UFL1: variants seen among roughly 807,000 people sequenced by gnomAD.
UFL1 encodes the protein UFM1 specific ligase 1.
Under a neutral mutation model 99.3 loss-of-function variants are expected in UFL1, and 78 were observed. The observed-to-expected ratio is 0.79, with a 90% confidence interval of 0.65 to 0.95. The LOEUF is 0.95. UFL1 is among the 40% of genes least tolerant of loss of function. The pLI is 0.00. For missense variants in UFL1, 936 were observed against 937.0 expected (o/e 1.00, Z 0.01); for synonymous variants, 335 against 322.2 (o/e 1.04, Z -0.42).
intron 1 of UFL1, 71 bp downstream of exon 1, chr6:96,522,021 T>G: frequency 6.6e-7 from 1 of 1,505,974 alleles, no homozygotes; most frequent in Non-Finnish European, 9.0e-7. Flanking sequence ...ATCTGGGACT[T>G]TAGACCCGCG....
chr6:96,523,583 CAG>C (rs1201863211), intron 2 of UFL1, among the ~76,000 whole-genome samples: 5 of 152,126 alleles, frequency 3.3e-5, no homozygotes, highest in East Asian at 3.9e-4. Context: ...TTGCATGACT[CAG>C]GGAAGGGTAT....
intron 3 of UFL1, 45 bp downstream of exon 3, chr6:96,524,455 T>G: frequency 6.9e-7 from 1 of 1,443,686 alleles, no homozygotes; most frequent in Non-Finnish European, 9.5e-7. Context: ...TTCTCAATTT[T>G]TTGATACTGT....
Position 96,549,454 on chromosome 6 carries a change from C to T in UFL1, c.1563C>T (p.Phe521=), listed in dbSNP as rs1770045408. ...KTYLEVVRSV[F]MSSTTSASGT... ...ATCTCGAGGTGGTACGTTCAGTATT[C>T]ATGTCTTCAACAACTTCTGCTTCTG... is the stretch of plus-strand genomic sequence containing the variant. The change falls in exon 14 of 19, where the codon TTC becomes TTT. Residue 521 remains phenylalanine, a synonymous_variant. Transcript: ENST00000369278. The T allele has an allele frequency of 1.9e-6, 3 of 1,597,388 alleles. No individual in the cohort carries two copies. The highest frequency in any genetic ancestry group is 1.2e-5 in the South Asian group (1 of 86,916).
chr6:96,543,557 A>G (rs1274134504), intron 12 of UFL1, among the ~76,000 whole-genome samples: 1 of 151,204 alleles, frequency 6.6e-6, no homozygotes, highest in Non-Finnish European at 1.5e-5. Context: ...GGAGTTATAG[A>G]GGGAATGGCT....
chr6:96,545,149 A>G (rs1360287281), intron 12 of UFL1, among the ~76,000 whole-genome samples: 1 of 151,102 alleles, frequency 6.6e-6, no homozygotes, highest in African/African-American at 2.4e-5. Flanking sequence ...TGTCTACTCT[A>G]AAGCTAGCAT....
chr6:96,540,420 C>G, intron 10 of UFL1, 115 bp from the exon 11 acceptor site: 2 of 1,317,194 alleles, frequency 1.5e-6, no homozygotes, highest in Non-Finnish European at 2.0e-6. Context: ...AAACAAAGCT[C>G]TATAGTTCTA....
rs1273184098 is a variant in UFL1, at chr6:96,538,873, G to GT, written c.1158+64dup. 3 of 1,403,830 alleles carry GT rather than the reference G, an allele frequency of 2.1e-6. No homozygotes were observed. In the African/African-American group the frequency reaches 4.3e-5, roughly 20 times the overall value. 87.0% of individuals were successfully genotyped at this position (1,403,830 alleles called of 1,614,324 possible). ...TATTTTCAATTTAGAATCATCTGAT[G>GT]TCTTTTGAAAAAGGGGATAAGTGAA... On this transcript the variant is annotated intron_variant, in intron 10 of 18. Transcript: ENST00000369278.
intron 3 of UFL1, 122 bp downstream of exon 3, chr6:96,524,532 T>C: frequency 3.1e-6 from 2 of 654,298 alleles, no homozygotes; most frequent in Non-Finnish European, 4.8e-6. Flanking sequence ...GAAATAGTTA[T>C]ATAAGCCTCG....
chr6:96,545,138 C>G (rs1361680758), intron 12 of UFL1, among the ~76,000 whole-genome samples: 1 of 150,998 alleles, frequency 6.6e-6, no homozygotes, highest in African/African-American at 2.4e-5. Flanking sequence ...ATAGTACTGT[C>G]TGTCTACTCT....
rs374625625 is a variant in UFL1, at chr6:96,549,560, G to A, written c.1669G>A (p.Gly557Arg). The stretch of plus-strand genomic sequence containing the variant: ...CAATAACATTAGGTTATTTGAAAAA[G>A]GGATGAAGTTTTTTGCAGGTATACT... ...LYNNIRLFEK[G>R]MKFFADDTQA... The change falls in exon 14 of 19, where the codon GGG becomes AGG. Residue 557 changes from glycine (G) to arginine (R), a missense_variant. By Grantham distance (125) the Gly-to-Arg change is moderately radical. Transcript: ENST00000369278. The A allele has an allele frequency of 8.2e-6, 13 of 1,595,044 alleles. No individual in the cohort carries two copies. The highest frequency in any genetic ancestry group is 1.1e-5 in the Non-Finnish European group (13 of 1,172,790).
chr6:96,528,341 T>C (rs889702443), intron 5 of UFL1, among the ~76,000 whole-genome samples, 161 bp from the exon 6 acceptor site: 4 of 152,224 alleles, frequency 2.6e-5, no homozygotes, highest in African/African-American at 9.6e-5. Context: ...AGACACTGAA[T>C]CTTCACTTTA....
intron 1 of UFL1, 122 bp downstream of exon 1, chr6:96,522,072 C>G: frequency 9.0e-7 from 1 of 1,107,348 alleles, no homozygotes; most frequent in Non-Finnish European, 1.3e-6. Flanking sequence ...TCACCATTCT[C>G]TCCTCCTCCC....
At chr6:96,524,218 G>C (rs1340753218) in intron 2 of UFL1, among the ~76,000 whole-genome samples, 164 bp from the exon 3 acceptor site, 1 of 151,860 alleles carries the variant, frequency 6.6e-6, no homozygotes, top group Non-Finnish European at 1.5e-5. Context: ...CTTCAGCCAT[G>C]AAGACTTAGC....
At chr6:96,527,366 A>C (rs1769719171) in intron 5 of UFL1, among the ~76,000 whole-genome samples, 1 of 152,130 alleles carries the variant, frequency 6.6e-6, no homozygotes, top group African/African-American at 2.4e-5. Flanking sequence ...AACACAATGG[A>C]GAAACTAAAT....
intron 13 of UFL1, 104 bp from the exon 14 acceptor site, chr6:96,549,308 A>G: frequency 1.1e-6 from 1 of 890,030 alleles, no homozygotes; most frequent in East Asian, 3.2e-5. Flanking sequence ...ATAAAAAAAT[A>G]GAGATTTCTA....
chr6:96,534,392 T>G lies in UFL1; in HGVS notation c.655+71T>G, dbSNP rs190114382. 417 of 1,189,628 alleles carry G rather than the reference T, an allele frequency of 3.5e-4. 2 individuals carry two copies. The highest frequency in any genetic ancestry group is 4.9e-4 in the Middle Eastern group (2 of 4,060). 73.7% of individuals were successfully genotyped at this position (1,189,628 alleles called of 1,614,324 possible). A position where few individuals can be genotyped will look rare whatever the true frequency, so the allele number is the denominator to read the frequency against. On this transcript the variant is annotated intron_variant, in intron 7 of 18. Coordinates refer to ENST00000369278, the MANE Select transcript of UFL1 (RefSeq NM_015323.5). ...ACTATTAATGTAAAACTTACTAACT[T>G]TAATGTTTTTTCCTCTTTTATTGTT...
chr6:96,523,188 T>C lies in UFL1; in HGVS notation c.120T>C (p.Ile40=), dbSNP rs769642832. 1 of 1,612,724 alleles carries C rather than the reference T, an allele frequency of 6.2e-7. No homozygotes were observed. The highest frequency in any genetic ancestry group is 8.5e-7 in the Non-Finnish European group (1 of 1,179,366). The change falls in exon 2 of 19, where the codon ATT becomes ATC. Residue 40 remains isoleucine (I), a synonymous_variant. Coordinates refer to ENST00000369278, the MANE Select transcript of UFL1 (RefSeq NM_015323.5). ...RNCIEIVNKL[I]AQKQLEVVHT... The stretch of plus-strand genomic sequence containing the variant: ...GCATTGAGATTGTTAATAAATTGAT[T>C]GCTCAGAAACAGCTAGAAGTAGTTC...
In UFL1 at chr6:96,541,684, T is replaced by C. The variant is rs549597329; in HGVS notation, c.1279+1029T>C. ...ATATATTTGAAGATATAGTTATAAA[T>C]TTGCCTTACTCAATTGATGACTTAT... On this transcript the variant is annotated intron_variant, in intron 11 of 18. Transcript: ENST00000369278. 3.3e-4 allele frequency among the ~76,000 whole-genome samples: 50 copies of C among 151,354 alleles called. No homozygotes were observed. In the East Asian group the frequency reaches 8.0e-3, roughly 24 times the overall value.
intron 10 of UFL1, among the ~76,000 whole-genome samples, chr6:96,539,929 C>T (rs898901810): frequency 6.6e-6 from 1 of 151,450 alleles, no homozygotes; most frequent in African/African-American, 2.4e-5. Flanking sequence ...TTACTTTTAT[C>T]ATAAATATAT....
Sources: allele counts gnomAD v4.1 joint callset (sites outside exome capture counted in the v4.1 genomes callset), GRCh38; gene constraint gnomAD v4.1.1; transcripts MANE v1.5; gene names NCBI Gene and HGNC (gene_info 2026-07-23, HGNC 2026-07-21).